BCKDHB: variants seen among roughly 807,000 people sequenced by gnomAD.
The protein encoded by BCKDHB is 2-oxoisovalerate dehydrogenase subunit beta, mitochondrial.
In BCKDHB, 41 loss-of-function variants were observed where a neutral mutation model predicts 48.5. The ratio of observed to expected loss-of-function variants is 0.85; its 90% CI spans 0.66 to 1.10. The LOEUF (loss-of-function observed/expected upper bound fraction) is 1.10. Ranked by LOEUF, BCKDHB falls within the 50% of genes least tolerant of loss-of-function variation. The pLI is 0.00. For missense variants in BCKDHB, 496 were observed against 494.2 expected (o/e 1.00, Z -0.03); for synonymous variants, 201 against 174.8 (o/e 1.15, Z -1.18).
chr6:80,304,237 T>A (rs1260194559), intron 9 of BCKDHB, among the ~76,000 whole-genome samples: 1 of 152,118 alleles, frequency 6.6e-6, no homozygotes, highest in Non-Finnish European at 1.5e-5. Flanking sequence ...TTTTGGCAGA[T>A]CTGGGTCATT....
chr6:80,427,433 A>C, the BCKDHB span, among the ~76,000 whole-genome samples: 18 of 152,116 alleles, frequency 1.2e-4, no homozygotes, highest in Admixed American at 1.0e-3. Context: ...ACGTGTTATA[A>C]ACCCCAAGAT....
chr6:80,449,794 A>G, the BCKDHB span, among the ~76,000 whole-genome samples: 2 of 152,188 alleles, frequency 1.3e-5, no homozygotes, highest in Admixed American at 6.5e-5. Flanking sequence ...ATATGACAAT[A>G]ATGTTCTGTC....
At chr6:80,282,214 TG>T (rs1306263197) in intron 9 of BCKDHB, among the ~76,000 whole-genome samples, 1 of 152,182 alleles carries the variant, frequency 6.6e-6, no homozygotes, top group Non-Finnish European at 1.5e-5. Flanking sequence ...CACTTACTAT[TG>T]ATAAAATGCT....
chr6:80,220,610 T>G (rs2127860426), intron 8 of BCKDHB, among the ~76,000 whole-genome samples: 1 of 151,604 alleles, frequency 6.6e-6, no homozygotes, highest in Non-Finnish European at 1.5e-5. Context: ...GCAGAAGGGG[T>G]TGCCACTAGG....
chr6:80,254,426 T>G (rs1348526095), intron 8 of BCKDHB, among the ~76,000 whole-genome samples: 1 of 152,126 alleles, frequency 6.6e-6, no homozygotes, highest in Non-Finnish European at 1.5e-5. Flanking sequence ...CTGGGTGCGA[T>G]GGCTCATGCC....
the BCKDHB span, among the ~76,000 whole-genome samples, chr6:80,364,982 C>A: frequency 1.3e-5 from 2 of 152,250 alleles, no homozygotes; most frequent in East Asian, 3.9e-4. Flanking sequence ...CCGCCTGAGC[C>A]TCAAAACCAG....
chr6:80,341,849 T>A (rs1206090745), intron 9 of BCKDHB, among the ~76,000 whole-genome samples: 1 of 152,160 alleles, frequency 6.6e-6, no homozygotes, highest in Non-Finnish European at 1.5e-5. Flanking sequence ...TAATCCCAAA[T>A]TGACAATTTA....
chr6:80,432,807 T>C, the BCKDHB span, among the ~76,000 whole-genome samples: 1 of 152,228 alleles, frequency 6.6e-6, no homozygotes, highest in African/African-American at 2.4e-5. Flanking sequence ...TCTTCCCATC[T>C]TTGTGGATTT....
intron 8 of BCKDHB, among the ~76,000 whole-genome samples, chr6:80,237,147 C>A (rs1464339662): frequency 6.6e-6 from 1 of 151,918 alleles, no homozygotes; most frequent in Non-Finnish European, 1.5e-5. Flanking sequence ...TTTTGGTGGA[C>A]AAAATTAAAG....
chr6:80,364,117 T>G, the BCKDHB span, among the ~76,000 whole-genome samples: 2 of 152,364 alleles, frequency 1.3e-5, no homozygotes. Context: ...ATCCTGCCTG[T>G]TTTTCTTCTT....
intron 6 of BCKDHB, among the ~76,000 whole-genome samples, chr6:80,187,020 T>C (rs1405448506): frequency 6.6e-6 from 1 of 152,168 alleles, no homozygotes; most frequent in African/African-American, 2.4e-5. Context: ...GCCTGTGAAT[T>C]CTTTTGGTTT....
chr6:80,458,685 A>G, the BCKDHB span, among the ~76,000 whole-genome samples: 1 of 152,226 alleles, frequency 6.6e-6, no homozygotes, highest in Non-Finnish European at 1.5e-5. Flanking sequence ...CCAGGTAACT[A>G]TAGTAATCAA....
chr6:80,452,989 G>A, the BCKDHB span, among the ~76,000 whole-genome samples: 2 of 152,200 alleles, frequency 1.3e-5, no homozygotes, highest in South Asian at 2.1e-4. Context: ...TAAAAATCAC[G>A]TGCATTTAGT....
chr6:80,297,795 A>G (rs144792143), intron 9 of BCKDHB, among the ~76,000 whole-genome samples: 56 of 152,258 alleles, frequency 3.7e-4, no homozygotes, highest in African/African-American at 1.3e-3. Context: ...GCTAGCCCCA[A>G]AAGTATATTT....
chr6:80,286,780 TAATG>T (rs1187802293), intron 9 of BCKDHB, among the ~76,000 whole-genome samples: 47 of 152,338 alleles, frequency 3.1e-4, no homozygotes. Context: ...CCTGTGTTAT[TAATG>T]AAGGTTTTCA....
At chr6:80,133,386 A>G (rs966512018) in intron 3 of BCKDHB, among the ~76,000 whole-genome samples, 3 of 152,212 alleles carry the variant, frequency 2.0e-5, no homozygotes, top group Non-Finnish European at 4.4e-5. Flanking sequence ...TGGATTTAGT[A>G]CCACTAAACT....
intron 3 of BCKDHB, among the ~76,000 whole-genome samples, chr6:80,130,991 T>C (rs1044690584): frequency 1.3e-5 from 2 of 152,206 alleles, no homozygotes; most frequent in Non-Finnish European, 2.9e-5. Flanking sequence ...CGTCAGGTAC[T>C]GTTCTGAGTG....
At chr6:80,336,515 C>CAAA (rs1769603322) in intron 9 of BCKDHB, among the ~76,000 whole-genome samples, 2 of 40,758 alleles carry the variant, frequency 4.9e-5, no homozygotes, top group African/African-American at 1.2e-4. Context: ...AAAAAAAAAC[C>CAAA]AAATTTACCA....
At chr6:80,183,249 A>G (rs959375095) in intron 6 of BCKDHB, among the ~76,000 whole-genome samples, 1 of 152,128 alleles carries the variant, frequency 6.6e-6, no homozygotes, top group African/African-American at 2.4e-5. Flanking sequence ...TTAATGAAAA[A>G]CTATGGAAGG....
Sources: allele counts gnomAD v4.1 joint callset (sites outside exome capture counted in the v4.1 genomes callset), GRCh38; gene constraint gnomAD v4.1.1; transcripts MANE v1.5; gene names NCBI Gene and HGNC (gene_info 2026-07-23, HGNC 2026-07-21).